Variants in ADCY7 observed in about 807,000 individuals in gnomAD.
ADCY7 encodes the protein adenylate cyclase type 7.
A neutral mutation model predicts 120.6 loss-of-function variants in ADCY7; 72 were observed. The ratio of observed to expected loss-of-function variants is 0.60; its 90% CI spans 0.49 to 0.73. The LOEUF (loss-of-function observed/expected upper bound fraction) is 0.73, where lower values mean the gene tolerates loss of function less well. Among genes scored for constraint, ADCY7 ranks in the 30% least tolerant of loss-of-function variants. ADCY7 has a pLI of 0.00. For synonymous variants in ADCY7, 661 were observed against 628.0 expected, an observed-to-expected ratio of 1.05 and a Z score of -0.78; for missense variants, 1,227 against 1,486.0, an observed-to-expected ratio of 0.83 and a Z score of 2.87.
At chr16:50,299,798 G>A (rs898042456) in intron 8 of ADCY7, among the ~76,000 whole-genome samples, 7 of 152,172 alleles carry the variant, frequency 4.6e-5, no homozygotes, top group African/African-American at 1.4e-4. Context: ...CTCTGGTTCC[G>A]ACCCTGGAAG....
At chr16:50,268,939 A>G (rs1225752147) in intron 1 of ADCY7, among the ~76,000 whole-genome samples, 1 of 152,232 alleles carries the variant, frequency 6.6e-6, no homozygotes, top group African/African-American at 2.4e-5. Flanking sequence ...TGGGAGGCTA[A>G]GGCAGGAGGA....
At chr16:50,279,919 C>G (rs369488145) in intron 1 of ADCY7, among the ~76,000 whole-genome samples, 1 of 151,746 alleles carries the variant, frequency 6.6e-6, no homozygotes, top group Non-Finnish European at 1.5e-5. Context: ...TTTGTTGTGT[C>G]TCTGGCAGTT....
chr16:50,300,475 C>T (rs1451953303), intron 8 of ADCY7, among the ~76,000 whole-genome samples: 1 of 152,206 alleles, frequency 6.6e-6, no homozygotes, highest in Non-Finnish European at 1.5e-5. Context: ...AGTTGGAATT[C>T]CTCCTCCCTC....
intron 1 of ADCY7, among the ~76,000 whole-genome samples, chr16:50,276,068 C>T (rs1055466478): frequency 6.6e-6 from 1 of 152,204 alleles, no homozygotes; most frequent in Non-Finnish European, 1.5e-5. Flanking sequence ...AGGCTTGGGC[C>T]GAGGACCCGA....
chr16:50,250,476 A>C (rs146728759), intron 1 of ADCY7, among the ~76,000 whole-genome samples: 13,919 of 150,432 alleles, frequency 0.093, 796 homozygotes, highest in Admixed American at 0.15. Context: ...AAAAAAAAAA[A>C]AAACCTAAAA....
chr16:50,251,677 G>A (rs888233241), intron 1 of ADCY7, among the ~76,000 whole-genome samples: 3 of 152,246 alleles, frequency 2.0e-5, no homozygotes, highest in Non-Finnish European at 2.9e-5. Context: ...GGCAGCTACC[G>A]GTGGAAGCTC....
intron 7 of ADCY7, among the ~76,000 whole-genome samples, chr16:50,296,706 C>T (rs1567561477): frequency 6.6e-6 from 1 of 152,088 alleles, no homozygotes; most frequent in Non-Finnish European, 1.5e-5. Flanking sequence ...AATCAATGGT[C>T]TAGAACTTGA....
At chr16:50,314,646 A>G (rs1361891444) in intron 24 of ADCY7, 3 of 519,888 alleles carry the variant, frequency 5.8e-6, no homozygotes, top group Admixed American at 3.5e-5. Context: ...TATTGTCTGT[A>G]AACAGGTGAC....
intron 1 of ADCY7, among the ~76,000 whole-genome samples, chr16:50,252,309 G>A (rs1351618949): frequency 6.6e-6 from 1 of 152,182 alleles, no homozygotes; most frequent in African/African-American, 2.4e-5. Context: ...TGACATGATG[G>A]TTTCATTCCA....
intron 2 of ADCY7, 71 bp downstream of exon 2, chr16:50,288,421 C>T (rs1555520236): frequency 1.4e-6 from 2 of 1,388,024 alleles, no homozygotes; most frequent in South Asian, 1.4e-5. Flanking sequence ...TTCTCTTAGC[C>T]TCTTCTGTAA....
rs548670169 is a variant in ADCY7 at position 50,267,917 on chromosome 16, C to T, written c.-269+1237C>T. Among the ~76,000 whole-genome samples the T allele has an allele frequency of 5.3e-5, 8 of 152,148 alleles. No homozygotes were observed. In the South Asian group the frequency reaches 1.0e-3, roughly 20 times the overall value. ...TGCTGCACAGCCTTCGCTTCCCACC[C>T]AGTTGTCTGTCTTCCCACCTCCAGA... On this transcript the variant is annotated intron_variant, in intron 1 of 25. Coordinates refer to ENST00000673801, the MANE Select transcript of ADCY7 (RefSeq NM_001114.5).
intron 10 of ADCY7, among the ~76,000 whole-genome samples, chr16:50,304,045 G>T (rs753921944): frequency 3.3e-5 from 5 of 152,048 alleles, no homozygotes; most frequent in African/African-American, 4.8e-5. Flanking sequence ...TCTCTCCCTG[G>T]GGAGGCAGAG....
chr16:50,275,710 T>A (rs2033843896), intron 1 of ADCY7, among the ~76,000 whole-genome samples: 2 of 152,196 alleles, frequency 1.3e-5, no homozygotes, highest in South Asian at 4.1e-4. Flanking sequence ...ATGTTCCTGC[T>A]TTTGGGCAGA....
chr16:50,248,346 G>A (rs886682929), intron 1 of ADCY7, among the ~76,000 whole-genome samples: 2 of 152,220 alleles, frequency 1.3e-5, no homozygotes, highest in Non-Finnish European at 2.9e-5. Flanking sequence ...CTGATGGAGA[G>A]GGGCCTATGT....
At chr16:50,245,646 G>T (rs528604677), upstream of ADCY7, among the ~76,000 whole-genome samples, 1 of 152,208 alleles carries the variant, frequency 6.6e-6, no homozygotes, top group South Asian at 2.1e-4. Context: ...GGAGGTTAAG[G>T]CCTGAGTGAG....
At chr16:50,307,218 AAGGAGCTGTGTGATTT>A in intron 15 of ADCY7, 71 bp downstream of exon 15, 1 of 1,470,978 alleles carries the variant, frequency 6.8e-7, no homozygotes, top group South Asian at 1.2e-5. Flanking sequence ...ATGAACCTGC[AAGGAGCTGTGTGATTT>A]GGGCTGGAAG....
intron 1 of ADCY7, among the ~76,000 whole-genome samples, chr16:50,258,020 G>A (rs572598693): frequency 6.6e-6 from 1 of 152,182 alleles, no homozygotes; most frequent in East Asian, 1.9e-4. Flanking sequence ...GCTGGGATTA[G>A]GGACGTGAGC....
intron 15 of ADCY7, among the ~76,000 whole-genome samples, chr16:50,307,995 CAAAAAAAAA>C (rs34191947): frequency 4.6e-5 from 3 of 64,906 alleles, no homozygotes; most frequent in Non-Finnish European, 8.4e-5. Context: ...GACTCCATCT[CAAAAAAAAA>C]AAAAAAAAAA....
intron 3 of ADCY7, among the ~76,000 whole-genome samples, chr16:50,291,155 A>G (rs911342161): frequency 1.3e-5 from 2 of 152,160 alleles, no homozygotes; most frequent in African/African-American, 4.8e-5. Flanking sequence ...TCATGGGCCC[A>G]GTCCCAGAGA....
Sources: allele counts gnomAD v4.1 joint callset (sites outside exome capture counted in the v4.1 genomes callset), GRCh38; gene constraint gnomAD v4.1.1; transcripts MANE v1.5; gene names NCBI Gene and HGNC (gene_info 2026-07-23, HGNC 2026-07-21).